FAM193A: variants seen among roughly 807,000 people sequenced by gnomAD.
The protein encoded by FAM193A is family with sequence similarity 193 member A, also known as protein FAM193A.
FAM193A carries 22 observed loss-of-function variants against 126.5 expected under a neutral mutation model. That is an observed-to-expected ratio of 0.17 (90% confidence interval 0.12 to 0.25). FAM193A has a LOEUF of 0.25. FAM193A is among the 10% of genes least tolerant of loss of function. The pLI is 1.00. For missense variants in FAM193A, 1,675 were observed against 1,672.8 expected, an observed-to-expected ratio of 1.00 and a Z score of -0.02; for synonymous variants, 761 against 646.8, an observed-to-expected ratio of 1.18 and a Z score of -2.68.
intron 2 of FAM193A, among the ~76,000 whole-genome samples, chr4:2,612,712 TTTGTCAA>T (rs1418869031): frequency 3.9e-5 from 6 of 152,202 alleles, no homozygotes; most frequent in African/African-American, 7.2e-5. Flanking sequence ...CCTTGGGACC[TTTGTCAA>T]AAATCAGTTG....
intron 1 of FAM193A, among the ~76,000 whole-genome samples, chr4:2,559,998 G>C (rs905651544): frequency 9.4e-5 from 14 of 148,710 alleles, no homozygotes; most frequent in Non-Finnish European, 1.8e-4. Context: ...CACTCTTGTT[G>C]CCCAGGCTGG....
chr4:2,701,079 T>G (rs1050359351), intron 19 of FAM193A, among the ~76,000 whole-genome samples: 1 of 152,110 alleles, frequency 6.6e-6, no homozygotes, highest in African/African-American at 2.4e-5. Context: ...CTCTCTCTCT[T>G]ATTTTTCTGG....
chr4:2,705,772 A>G (rs958255076), intron 19 of FAM193A, among the ~76,000 whole-genome samples: 23 of 151,106 alleles, frequency 1.5e-4, no homozygotes, highest in African/African-American at 5.1e-4. Context: ...TTTTTTTAGT[A>G]GAAACAGGGT....
chr4:2,593,708 C>T lies in FAM193A; in HGVS notation c.256-2376C>T, dbSNP rs147882667. Among the ~76,000 whole-genome samples the T allele has an allele frequency of 4.0e-3, 610 of 152,182 alleles. 1 individual carries two copies. The highest frequency in any genetic ancestry group is 0.014 in the Middle Eastern group (4 of 294). On this transcript the variant is annotated intron_variant, in intron 1 of 20. Coordinates refer to ENST00000637812, the MANE Select transcript of FAM193A (RefSeq NM_001366318.2). ...TGGCTCTTAACATTATGATTTTAGG[C>T]TTGGGGACCTTTGGGCCTGTAGAGC... is the stretch of plus-strand genomic sequence containing the variant.
chr4:2,630,357 A>T (rs1258816740), intron 4 of FAM193A, among the ~76,000 whole-genome samples: 4 of 152,030 alleles, frequency 2.6e-5, no homozygotes, highest in Admixed American at 2.6e-4. Context: ...CTGTGTCTAA[A>T]GTTTCCTCTT....
chr4:2,651,366 T>C (rs116769060), intron 7 of FAM193A, among the ~76,000 whole-genome samples: 4,902 of 152,070 alleles, frequency 0.032, 243 homozygotes, highest in African/African-American at 0.11. Flanking sequence ...CCTACCTGAT[T>C]CTGGGTAATT....
intron 13 of FAM193A, among the ~76,000 whole-genome samples, chr4:2,687,654 T>C (rs1715890843): frequency 6.6e-6 from 1 of 152,230 alleles, no homozygotes; most frequent in South Asian, 2.1e-4. Context: ...CCACCTTCAC[T>C]GCCATTGCTT....
chr4:2,552,228 A>G (rs992077659), intron 1 of FAM193A, among the ~76,000 whole-genome samples: 16 of 151,330 alleles, frequency 1.1e-4, no homozygotes, highest in Non-Finnish European at 1.6e-4. Context: ...AGCTAGGATG[A>G]TCTCGACCTC....
chr4:2,691,064 T>G, intron 15 of FAM193A, 94 bp downstream of exon 15: 2 of 1,214,922 alleles, frequency 1.6e-6, no homozygotes, highest in Non-Finnish European at 2.3e-6. Flanking sequence ...AACTGCCTTT[T>G]ACTTGGCCTA....
intron 1 of FAM193A, among the ~76,000 whole-genome samples, chr4:2,592,344 TCA>T (rs902380013): frequency 1.7e-4 from 26 of 152,184 alleles, no homozygotes; most frequent in African/African-American, 6.3e-4. Flanking sequence ...TGCCTCGGCC[TCA>T]CAGAGTGTTG....
At chr4:2,552,341 G>A (rs1033336000) in intron 1 of FAM193A, among the ~76,000 whole-genome samples, 1 of 151,376 alleles carries the variant, frequency 6.6e-6, no homozygotes. Context: ...TGTAGAGACG[G>A]GGTTTTGCCA....
chr4:2,645,394 C>G (rs1312191847), intron 6 of FAM193A, among the ~76,000 whole-genome samples: 7 of 152,220 alleles, frequency 4.6e-5, no homozygotes, highest in Non-Finnish European at 5.9e-5. Flanking sequence ...AGCCTTCTGT[C>G]TCCCAATCGC....
At chr4:2,715,950 A>C in intron 19 of FAM193A, 73 bp from the exon 20 acceptor site, 1 of 895,748 alleles carries the variant, frequency 1.1e-6, no homozygotes, top group Non-Finnish European at 1.9e-6. Flanking sequence ...GAGCGAAGAC[A>C]AATGATTTCT....
chr4:2,654,930 T>G, intron 7 of FAM193A: 1 of 475,896 alleles, frequency 2.1e-6, no homozygotes, highest in East Asian at 3.1e-5. Context: ...GATGCCGGCA[T>G]TAACTCTTGT....
In FAM193A at chr4:2,662,880, T is replaced by G; in HGVS notation, c.1788T>G (p.Phe596Leu). ...ATGTTGCACCATTGTCAGCCAAATT[T>G]GCTGATATTTATCCATTGAGTAATT... ...DEDVAPLSAKFADIYPLSNYD... is the reference protein window; with the variant it reads ...DEDVAPLSAKLADIYPLSNYD... Residue 596 changes from phenylalanine to leucine, a missense_variant, in exon 11 of 21, where the codon TTT becomes TTG. Phe to Leu is a conservative substitution (Grantham distance 22). Transcript: ENST00000637812. 1 of 1,611,920 alleles carries G rather than the reference T, an allele frequency of 6.2e-7. No homozygotes were observed. Among genetic ancestry groups the G allele is most frequent in the Non-Finnish European group, 8.5e-7 (1 of 1,178,106 alleles).
chr4:2,711,139 A>G (rs1230052586), intron 19 of FAM193A, among the ~76,000 whole-genome samples: 1 of 152,122 alleles, frequency 6.6e-6, no homozygotes, highest in African/African-American at 2.4e-5. Context: ...GGCGTGAGCC[A>G]CCACGCCCGG....
At chr4:2,643,543 C>T (rs1744845733) in intron 6 of FAM193A, among the ~76,000 whole-genome samples, 1 of 43,706 alleles carries the variant, frequency 2.3e-5, no homozygotes, top group Non-Finnish European at 3.7e-5. Context: ...GAAACAGTAA[C>T]TCTACCATTA....
At chr4:2,584,405 G>A (rs1410763086) in intron 1 of FAM193A, among the ~76,000 whole-genome samples, 5 of 139,922 alleles carry the variant, frequency 3.6e-5, no homozygotes, top group Admixed American at 7.4e-5. Context: ...CAGCCTGGGC[G>A]ACAGAGTGAG....
At chr4:2,624,093 A>T (rs895263036) in intron 2 of FAM193A, among the ~76,000 whole-genome samples, 1 of 151,806 alleles carries the variant, frequency 6.6e-6, no homozygotes, top group Non-Finnish European at 1.5e-5. Flanking sequence ...GGGAGGAGGA[A>T]CCTAGGGTTG....
Sources: gnomAD v4.1 joint callset for allele counts (sites outside exome capture counted in the v4.1 genomes callset) on GRCh38, gnomAD v4.1.1 for gene constraint, MANE v1.5 for transcripts, NCBI Gene and HGNC (gene_info 2026-07-23, HGNC 2026-07-21) for gene names.